The following SSBP2 variants were observed in gnomAD, a reference collection of about 807,000 sequenced individuals.
SSBP2 encodes single stranded DNA binding protein 2.
Under a neutral mutation model 61.8 loss-of-function variants are expected in SSBP2, and 17 were observed. That is an observed-to-expected ratio of 0.28 (90% CI 0.19 to 0.41). The LOEUF (loss-of-function observed/expected upper bound fraction) is 0.41, where lower values mean the gene tolerates loss of function less well. SSBP2 is among the 10% of genes least tolerant of loss of function. The pLI is 1.00. For missense variants in SSBP2, 310 were observed against 458.7 expected, an observed-to-expected ratio of 0.68 and a Z score of 2.96; for synonymous variants, 139 against 141.3, an observed-to-expected ratio of 0.98 and a Z score of 0.12.
chr5:81,651,363 T>C (rs1468337408), intron 1 of SSBP2, among the ~76,000 whole-genome samples: 2 of 152,164 alleles, frequency 1.3e-5, no homozygotes, highest in African/African-American at 4.8e-5. Flanking sequence ...TTCCTTATTT[T>C]CATGAAAACA....
At chr5:81,676,987 G>A (rs1477090291) in intron 1 of SSBP2, among the ~76,000 whole-genome samples, 1 of 152,104 alleles carries the variant, frequency 6.6e-6, no homozygotes, top group African/African-American at 2.4e-5. Flanking sequence ...GAGCCAGGAA[G>A]ATTTCAAAAT....
At chr5:81,472,864 G>A (rs989412290) in intron 8 of SSBP2, among the ~76,000 whole-genome samples, 3 of 152,232 alleles carry the variant, frequency 2.0e-5, no homozygotes, top group Non-Finnish European at 2.9e-5. Flanking sequence ...GCCTCCCAAA[G>A]TGCTGGGATT....
chr5:81,579,642 G>T (rs1326174188), intron 4 of SSBP2, among the ~76,000 whole-genome samples: 1 of 152,054 alleles, frequency 6.6e-6, no homozygotes, highest in Non-Finnish European at 1.5e-5. Context: ...TGAAAGCTAC[G>T]GTTTCTACTG....
At chr5:81,560,755 A>G (rs1323347712) in intron 4 of SSBP2, among the ~76,000 whole-genome samples, 2 of 152,198 alleles carry the variant, frequency 1.3e-5, no homozygotes, top group Non-Finnish European at 2.9e-5. Context: ...AGCTTTAAGT[A>G]TAATTGACAA....
At chr5:81,574,002 G>C (rs371458836) in intron 4 of SSBP2, among the ~76,000 whole-genome samples, 1 of 152,008 alleles carries the variant, frequency 6.6e-6, no homozygotes, top group African/African-American at 2.4e-5. Context: ...TTAGCCAGGC[G>C]TGGTGGTGGG....
intron 5 of SSBP2, among the ~76,000 whole-genome samples, chr5:81,493,218 A>AT (rs1766996322): frequency 6.6e-6 from 1 of 151,534 alleles, no homozygotes; most frequent in Non-Finnish European, 1.5e-5. Flanking sequence ...ACATATATAT[A>AT]TCAAAAACAT....
chr5:81,581,960 T>A (rs1774685071), intron 4 of SSBP2, among the ~76,000 whole-genome samples: 1 of 152,144 alleles, frequency 6.6e-6, no homozygotes, highest in Non-Finnish European at 1.5e-5. Context: ...TATAAAAATG[T>A]CCTTATTGAT....
chr5:81,460,493 G>T (rs1173168946), intron 10 of SSBP2, among the ~76,000 whole-genome samples: 1 of 152,156 alleles, frequency 6.6e-6, no homozygotes, highest in Admixed American at 6.5e-5. Context: ...AAATATTAGT[G>T]CCATCAAACC....
chr5:81,735,257 A>G (rs1756523993), intron 1 of SSBP2, among the ~76,000 whole-genome samples: 2 of 152,340 alleles, frequency 1.3e-5, no homozygotes, highest in South Asian at 4.1e-4. Context: ...AGCTCTGATA[A>G]GACAATCATG....
intron 16 of SSBP2, among the ~76,000 whole-genome samples, chr5:81,421,734 T>C (rs1761625839): frequency 6.6e-6 from 1 of 152,242 alleles, no homozygotes; most frequent in African/African-American, 2.4e-5. Flanking sequence ...AGCAGCACCA[T>C]GCAAGAGAAC....
At chr5:81,458,260 A>C (rs911605828) in intron 10 of SSBP2, among the ~76,000 whole-genome samples, 1 of 152,214 alleles carries the variant, frequency 6.6e-6, no homozygotes, top group African/African-American at 2.4e-5. Context: ...TCTGAATAAA[A>C]TCTGTAGATT....
chr5:81,717,602 T>A (rs1755247182), intron 1 of SSBP2, among the ~76,000 whole-genome samples: 5 of 152,136 alleles, frequency 3.3e-5, no homozygotes. Context: ...AATACTGTCA[T>A]TTCTTCCTTC....
chr5:81,553,480 G>A (rs1772362702), intron 4 of SSBP2, among the ~76,000 whole-genome samples: 1 of 152,026 alleles, frequency 6.6e-6, no homozygotes, highest in Non-Finnish European at 1.5e-5. Context: ...CATAGCATCA[G>A]AAAAATATCA....
rs573917760 is a variant in SSBP2 at position 81,494,265 on chromosome 5, T to A, written c.373-4956A>T. Among the ~76,000 whole-genome samples the A allele has an allele frequency of 2.6e-5, 4 of 152,318 alleles. No individual in the cohort carries two copies. In the South Asian group the frequency reaches 8.3e-4, roughly 32 times the overall value. Reference sequence around the variant, plus strand: ...AAGTTTCAAAATTAGGAAAAACTCATAAGGTAAGCTTATTTACTTTATAAG... The same window carrying A: ...AAGTTTCAAAATTAGGAAAAACTCAAAAGGTAAGCTTATTTACTTTATAAG... On this transcript the variant is annotated intron_variant, in intron 5 of 16. Transcript: ENST00000320672.
chr5:81,433,515 C>G (rs1762469420), intron 15 of SSBP2, among the ~76,000 whole-genome samples: 1 of 150,760 alleles, frequency 6.6e-6, no homozygotes, highest in African/African-American at 2.4e-5. Context: ...TATCTGCTGA[C>G]CTTCCCTCCT....
chr5:81,512,900 T>C (rs1430664711), intron 5 of SSBP2, among the ~76,000 whole-genome samples: 1 of 152,110 alleles, frequency 6.6e-6, no homozygotes, highest in Non-Finnish European at 1.5e-5. Context: ...GCTCCTAAGT[T>C]CTTAATTTTC....
chr5:81,563,121 C>T (rs1426070282), intron 4 of SSBP2, among the ~76,000 whole-genome samples: 1 of 152,090 alleles, frequency 6.6e-6, no homozygotes, highest in East Asian at 1.9e-4. Flanking sequence ...TACCTGATTT[C>T]AAGATTTACT....
intron 3 of SSBP2, among the ~76,000 whole-genome samples, chr5:81,625,651 C>T (rs945585319): frequency 2.0e-5 from 3 of 152,208 alleles, no homozygotes; most frequent in Middle Eastern, 3.4e-3. Flanking sequence ...AGAGAAAATA[C>T]GGCATTCCCA....
intron 5 of SSBP2, among the ~76,000 whole-genome samples, chr5:81,496,698 G>A (rs1767309452): frequency 1.3e-5 from 2 of 149,222 alleles, no homozygotes; most frequent in Non-Finnish European, 2.9e-5. Context: ...GTTCAAGAAG[G>A]AAGTTTAACT....
Sources: allele counts gnomAD v4.1 joint callset (sites outside exome capture counted in the v4.1 genomes callset), GRCh38; gene constraint gnomAD v4.1.1; transcripts MANE v1.5; gene names NCBI Gene and HGNC (gene_info 2026-07-23, HGNC 2026-07-21).